EPHB1: variants seen among roughly 807,000 people sequenced by gnomAD.
The protein encoded by EPHB1 is EPH receptor B1, also known as ephrin type-B receptor 1.
In EPHB1, 30 loss-of-function variants were observed where a neutral mutation model predicts 94.4. The observed-to-expected ratio is 0.32, with a 90% confidence interval of 0.24 to 0.43. The LOEUF is 0.43. Among genes scored for constraint, EPHB1 ranks in the 20% least tolerant of loss-of-function variants. EPHB1 has a pLI of 1.00. For missense variants in EPHB1, 1,055 were observed against 1,308.3 expected (o/e 0.81, Z 2.99); for synonymous variants, 522 against 489.1 (o/e 1.07, Z -0.89).
Position 135,181,891 on chromosome 3 carries a change from A to G in EPHB1, c.1882+1909A>G, listed in dbSNP as rs114868198. ...CAGAGAAGGTTCAGTCTTCTCCATGACTCATGTGATATTGGGGAGAAATGA... is the reference window on the plus strand; with the variant it reads ...CAGAGAAGGTTCAGTCTTCTCCATGGCTCATGTGATATTGGGGAGAAATGA... On this transcript the variant is annotated intron_variant, in intron 10 of 15. Coordinates refer to ENST00000398015, the MANE Select transcript of EPHB1 (RefSeq NM_004441.5). 3.9e-3 allele frequency among the ~76,000 whole-genome samples: 596 copies of G among 152,150 alleles called. 2 individuals are homozygous for G. Among genetic ancestry groups the G allele is most frequent in the African/African-American group, 0.014 (562 of 41,506 alleles).
chr3:135,217,052 G>C (rs1326188081), intron 12 of EPHB1, among the ~76,000 whole-genome samples: 2 of 152,162 alleles, frequency 1.3e-5, no homozygotes, highest in African/African-American at 4.8e-5. Flanking sequence ...GGATCCATAA[G>C]AGAAAAGGTC....
At chr3:134,949,081 G>T (rs992016118) in intron 2 of EPHB1, among the ~76,000 whole-genome samples, 1 of 152,158 alleles carries the variant, frequency 6.6e-6, no homozygotes, top group Non-Finnish European at 1.5e-5. Context: ...GTGGTTGGAG[G>T]TCAAGTGCTC....
intron 1 of EPHB1, among the ~76,000 whole-genome samples, chr3:134,913,731 G>C (rs776958469): frequency 6.6e-6 from 1 of 152,208 alleles, no homozygotes; most frequent in Non-Finnish European, 1.5e-5. Flanking sequence ...ATGTGGCCCT[G>C]TTCATCCAGA....
At chr3:134,990,626 AG>A (rs969144034) in intron 3 of EPHB1, among the ~76,000 whole-genome samples, 4 of 152,204 alleles carry the variant, frequency 2.6e-5, no homozygotes, top group Non-Finnish European at 2.9e-5. Context: ...AATTTGTACC[AG>A]GACTCCTGGG....
intron 9 of EPHB1, among the ~76,000 whole-genome samples, chr3:135,176,142 G>A (rs1269266749): frequency 6.6e-6 from 1 of 152,122 alleles, no homozygotes; most frequent in Admixed American, 6.5e-5. Flanking sequence ...GGATACAGGG[G>A]AGCCCTTACG....
intron 3 of EPHB1, among the ~76,000 whole-genome samples, chr3:135,053,940 T>C (rs1576348962): frequency 6.6e-6 from 1 of 151,984 alleles, no homozygotes; most frequent in Non-Finnish European, 1.5e-5. Flanking sequence ...CGCAGTAAGC[T>C]ATGATTGCTT....
intron 2 of EPHB1, among the ~76,000 whole-genome samples, chr3:134,948,970 C>T (rs1319601217): frequency 1.3e-5 from 2 of 152,168 alleles, no homozygotes; most frequent in Non-Finnish European, 2.9e-5. Flanking sequence ...TAAGAACAGG[C>T]CTGGAACTGG....
chr3:134,984,682 G>A (rs1003404914), intron 3 of EPHB1, among the ~76,000 whole-genome samples: 1 of 152,112 alleles, frequency 6.6e-6, no homozygotes, highest in African/African-American at 2.4e-5. Context: ...ACCCAAGGAG[G>A]TCAGAGCTCC....
intron 3 of EPHB1, among the ~76,000 whole-genome samples, chr3:135,027,980 C>G: frequency 6.9e-6 from 1 of 145,506 alleles, no homozygotes; most frequent in East Asian, 2.2e-4. Context: ...GGAATTTATC[C>G]ATTTCTTCTA....
intron 3 of EPHB1, among the ~76,000 whole-genome samples, chr3:135,010,934 G>T (rs1421699366): frequency 1.3e-5 from 2 of 152,130 alleles, no homozygotes; most frequent in Non-Finnish European, 2.9e-5. Flanking sequence ...GCCACACTTG[G>T]ATAAACAAGT....
intron 3 of EPHB1, among the ~76,000 whole-genome samples, chr3:135,072,926 T>A (rs923692145): frequency 5.3e-5 from 8 of 152,188 alleles, no homozygotes; most frequent in African/African-American, 1.9e-4. Flanking sequence ...ATTTTCCAGT[T>A]GATCAGAGGG....
At chr3:134,979,494 C>G (rs908723046) in intron 3 of EPHB1, among the ~76,000 whole-genome samples, 7 of 152,204 alleles carry the variant, frequency 4.6e-5, no homozygotes, top group Non-Finnish European at 8.8e-5. Context: ...AAGGGCTTCT[C>G]TCACTCCATT....
At chr3:135,166,479 T>C (rs939423613) in intron 8 of EPHB1, among the ~76,000 whole-genome samples, 1 of 152,030 alleles carries the variant, frequency 6.6e-6, no homozygotes, top group African/African-American at 2.4e-5. Context: ...GGAGAGAAGA[T>C]GAGGAGGAAA....
chr3:135,123,646 T>G (rs1170164997), intron 4 of EPHB1, among the ~76,000 whole-genome samples: 2 of 152,198 alleles, frequency 1.3e-5, no homozygotes, highest in Non-Finnish European at 1.5e-5. Flanking sequence ...CGCTAGTGAC[T>G]GTGTGACCAC....
intron 3 of EPHB1, among the ~76,000 whole-genome samples, chr3:134,968,480 G>A (rs1462270489): frequency 6.6e-6 from 1 of 152,178 alleles, no homozygotes; most frequent in Admixed American, 6.5e-5. Context: ...CATCCATCTA[G>A]TCATAAATAG....
intron 1 of EPHB1, among the ~76,000 whole-genome samples, chr3:134,897,103 G>T (rs970638364): frequency 6.6e-6 from 1 of 152,256 alleles, no homozygotes; most frequent in Non-Finnish European, 1.5e-5. Context: ...TCAGAGTTAA[G>T]TCAGGGAACC....
At chr3:135,131,750 T>C (rs147329891) in intron 4 of EPHB1, among the ~76,000 whole-genome samples, 4 of 152,210 alleles carry the variant, frequency 2.6e-5, no homozygotes. Context: ...TTGTGAAAAG[T>C]AGCCATAAAC....
chr3:135,005,948 C>G (rs11923761), intron 3 of EPHB1, among the ~76,000 whole-genome samples: 5 of 152,130 alleles, frequency 3.3e-5, no homozygotes, highest in Non-Finnish European at 7.3e-5. Context: ...AGCTGTAGAC[C>G]GGAGCTGTTC....
chr3:135,092,621 C>CCCTT (rs756908317), intron 3 of EPHB1, among the ~76,000 whole-genome samples: 1 of 149,148 alleles, frequency 6.7e-6, no homozygotes, highest in Admixed American at 6.7e-5. Flanking sequence ...CTCCCTCCCT[C>CCCTT]CCTTCCTTCC....
Sources: allele counts gnomAD v4.1 joint callset (sites outside exome capture counted in the v4.1 genomes callset), GRCh38; gene constraint gnomAD v4.1.1; transcripts MANE v1.5; gene names NCBI Gene and HGNC (gene_info 2026-07-23, HGNC 2026-07-21).